Variants in SFMBT2 observed in about 807,000 individuals in gnomAD.
The protein encoded by SFMBT2 is Scm like with four mbt domains 2, also known as scm-like with four MBT domains protein 2.
Under a neutral mutation model 110.1 loss-of-function variants are expected in SFMBT2, and 38 were observed. The observed-to-expected ratio is 0.35, with a 90% confidence interval of 0.27 to 0.45. The LOEUF is 0.45. Among genes scored for constraint, SFMBT2 ranks in the 20% least tolerant of loss-of-function variants. SFMBT2 has a pLI of 1.00. For synonymous variants in SFMBT2, 425 were observed against 425.4 expected, an observed-to-expected ratio of 1.00 and a Z score of 0.01; for missense variants, 1,011 against 1,094.9, an observed-to-expected ratio of 0.92 and a Z score of 1.08.
chr10:7,276,357 A>G (rs375642161), intron 7 of SFMBT2, among the ~76,000 whole-genome samples: 1 of 152,210 alleles, frequency 6.6e-6, no homozygotes, highest in Non-Finnish European at 1.5e-5. Flanking sequence ...CCATAACAAT[A>G]TGCTACAAAG....
chr10:7,191,598 A>G (rs1838603439), intron 15 of SFMBT2, among the ~76,000 whole-genome samples: 1 of 152,220 alleles, frequency 6.6e-6, no homozygotes, highest in Non-Finnish European at 1.5e-5. Context: ...CTCTGTACAC[A>G]GCACATTCCT....
intron 4 of SFMBT2, among the ~76,000 whole-genome samples, chr10:7,315,431 A>G (rs1842984581): frequency 6.6e-6 from 1 of 151,814 alleles, no homozygotes; most frequent in Non-Finnish European, 1.5e-5. Flanking sequence ...CCACCTTCCA[A>G]CTCTATCTGA....
rs1473668617 is a variant in SFMBT2 at position 7,325,049 on chromosome 10, C to A, written c.437-39095G>T. On this transcript the variant is annotated intron_variant, in intron 4 of 20. Transcript: ENST00000397167. ...ATGGCACGATCTCGGCTCACTACAA[C>A]CTCCACCTCCCAGGTTCATGCCATT... Among the ~76,000 whole-genome samples, 3 of 141,394 alleles carry A rather than the reference C, an allele frequency of 2.1e-5. No individual in the cohort carries two copies. In the Admixed American group the frequency reaches 2.3e-4, roughly 11 times the overall value. The allele number at this position is 141,394 out of a possible 152,430, so 92.8% of individuals were successfully genotyped here.
At chr10:7,205,990 G>A (rs1839121807) in intron 11 of SFMBT2, 62 bp from the exon 12 acceptor site, 2 of 1,597,106 alleles carry the variant, frequency 1.3e-6, no homozygotes, top group African/African-American at 2.7e-5. Flanking sequence ...GAAATAGAAG[G>A]ACAACAATAA....
intron 10 of SFMBT2, among the ~76,000 whole-genome samples, chr10:7,223,643 G>A (rs1327703854): frequency 1.3e-5 from 2 of 152,074 alleles, no homozygotes; most frequent in Non-Finnish European, 2.9e-5. Flanking sequence ...TTCAAATATT[G>A]TATTTTTGAG....
intron 1 of SFMBT2, among the ~76,000 whole-genome samples, chr10:7,385,316 G>C (rs1402441629): frequency 6.6e-6 from 1 of 152,166 alleles, no homozygotes; most frequent in Non-Finnish European, 1.5e-5. Context: ...ACAGACTCCA[G>C]AAGCCACAGG....
chr10:7,336,560 C>T (rs1281725787), intron 4 of SFMBT2, among the ~76,000 whole-genome samples: 1 of 152,050 alleles, frequency 6.6e-6, no homozygotes, highest in Admixed American at 6.5e-5. Context: ...AAGGCTGAGG[C>T]GGGAGGATCA....
chr10:7,402,397 G>A (rs1335783102), intron 1 of SFMBT2, among the ~76,000 whole-genome samples: 1 of 152,134 alleles, frequency 6.6e-6, no homozygotes, highest in Non-Finnish European at 1.5e-5. Flanking sequence ...CAAATATAGA[G>A]GAGGGTGAAG....
chr10:7,250,765 A>C (rs1277529952), intron 7 of SFMBT2, among the ~76,000 whole-genome samples: 1 of 152,222 alleles, frequency 6.6e-6, no homozygotes, highest in African/African-American at 2.4e-5. Flanking sequence ...ACTTTTTAAT[A>C]ACAGCCATTC....
At chr10:7,262,790 G>A (rs1488823463) in intron 7 of SFMBT2, among the ~76,000 whole-genome samples, 5 of 152,122 alleles carry the variant, frequency 3.3e-5, no homozygotes, top group Non-Finnish European at 7.3e-5. Flanking sequence ...TCTTTAGTGT[G>A]TCTCTTATAA....
intron 4 of SFMBT2, among the ~76,000 whole-genome samples, chr10:7,315,219 T>C (rs1418872892): frequency 6.6e-6 from 1 of 152,152 alleles, no homozygotes; most frequent in Non-Finnish European, 1.5e-5. Flanking sequence ...TGCTCAGATA[T>C]TTGGTCAAAC....
At chr10:7,205,554 G>T (rs1233596339) in intron 12 of SFMBT2, 2 of 985,252 alleles carry the variant, frequency 2.0e-6, no homozygotes, top group Non-Finnish European at 2.4e-6. Context: ...ATAAAAAACT[G>T]AGAGTGATGA....
In SFMBT2 at chr10:7,170,524, C is replaced by A. The variant is rs1357147255; in HGVS notation, c.2544+404G>T. Among the ~76,000 whole-genome samples the A allele has an allele frequency of 5.3e-5, 8 of 152,136 alleles. No homozygotes were observed. Among genetic ancestry groups the A allele is most frequent in the African/African-American group, 1.9e-4 (8 of 41,436 alleles). On this transcript the variant is annotated intron_variant, in intron 20 of 20. Coordinates refer to ENST00000397167, the MANE Select transcript of SFMBT2 (RefSeq NM_001387889.1). This position sits in a 1 kb window ranked among gnomAD's most constrained non-coding sequence, Gnocchi z 4.6. Reference sequence around the variant, plus strand: ...ACCACTGACCTGGCATCTGAAAGGGCCAGCCAGGGAACTGGGACTCTCACC... The same window carrying A: ...ACCACTGACCTGGCATCTGAAAGGGACAGCCAGGGAACTGGGACTCTCACC...
chr10:7,247,635 T>G (rs1840659796), intron 8 of SFMBT2, among the ~76,000 whole-genome samples: 1 of 152,198 alleles, frequency 6.6e-6, no homozygotes. Context: ...AAAAGTGATT[T>G]TCCTTAAAGA....
intron 4 of SFMBT2, among the ~76,000 whole-genome samples, chr10:7,337,671 C>T (rs2131976109): frequency 6.6e-6 from 1 of 152,236 alleles, no homozygotes; most frequent in South Asian, 2.1e-4. Context: ...GCCAATTACA[C>T]CTCTTTTCTT....
intron 7 of SFMBT2, among the ~76,000 whole-genome samples, chr10:7,263,413 T>C (rs1588396092): frequency 6.6e-6 from 1 of 152,116 alleles, no homozygotes; most frequent in East Asian, 1.9e-4. Flanking sequence ...AGGAAATTTT[T>C]GTATTTTTAG....
intron 15 of SFMBT2, among the ~76,000 whole-genome samples, chr10:7,196,682 T>C (rs1838778558): frequency 6.6e-6 from 1 of 152,256 alleles, no homozygotes; most frequent in Non-Finnish European, 1.5e-5. Flanking sequence ...GATCAATGGA[T>C]TGCTGTGCCT....
intron 16 of SFMBT2, among the ~76,000 whole-genome samples, chr10:7,177,576 A>T (rs1438058589): frequency 6.6e-6 from 1 of 152,178 alleles, no homozygotes; most frequent in Non-Finnish European, 1.5e-5. Context: ...TTGTAAGAAG[A>T]TGAAAAGTTT....
intron 4 of SFMBT2, among the ~76,000 whole-genome samples, chr10:7,312,962 G>T (rs1445431884): frequency 6.6e-6 from 1 of 152,088 alleles, no homozygotes; most frequent in African/African-American, 2.4e-5. Context: ...TGTAATGAGA[G>T]GATTGGGGTG....
Sources: allele counts gnomAD v4.1 joint callset (sites outside exome capture counted in the v4.1 genomes callset), GRCh38; gene constraint gnomAD v4.1.1; non-coding constraint Gnocchi (gnomAD v3.1); transcripts MANE v1.5; gene names NCBI Gene and HGNC (gene_info 2026-07-23, HGNC 2026-07-21).